Variants in PFKP observed in about 807,000 individuals in gnomAD.
The protein encoded by PFKP is ATP-dependent 6-phosphofructokinase, platelet type.
In PFKP, 101 loss-of-function variants were observed where a neutral mutation model predicts 94.3. The observed-to-expected ratio is 1.07, with a 90% CI of 0.91 to 1.26. The LOEUF (loss-of-function observed/expected upper bound fraction) is 1.26. Among genes scored for constraint, PFKP ranks in the 50% most tolerant of loss-of-function variants. The pLI, the probability that PFKP is intolerant of heterozygous loss-of-function variation, is 0.00. For synonymous variants in PFKP, 573 were observed against 432.6 expected, an observed-to-expected ratio of 1.32 and a Z score of -4.03; for missense variants, 1,145 against 1,103.3, an observed-to-expected ratio of 1.04 and a Z score of -0.53.
chr10:3,070,926 T>TTATTATTATTATTATTA (rs767737023), intron 1 of PFKP, among the ~76,000 whole-genome samples: 52 of 148,378 alleles, frequency 3.5e-4, no homozygotes, highest in South Asian at 2.3e-3. Flanking sequence ...TATTATTATT[T>TTATTATTATTATTATTA]TTGTAGAGAC....
intron 2 of PFKP, 127 bp from the exon 3 acceptor site, chr10:3,099,148 C>G: frequency 1.3e-6 from 1 of 745,242 alleles, no homozygotes; most frequent in Admixed American, 2.1e-5. Flanking sequence ...ACTGCCCTGT[C>G]TTCTGACCAG....
chr10:3,099,357 G>A lies in PFKP; in HGVS notation c.264+5G>A, dbSNP rs763107856. On this transcript the variant is annotated splice_donor_5th_base_variant and intron_variant, in intron 3 of 21. Coordinates refer to ENST00000381125, the MANE Select transcript of PFKP (RefSeq NM_002627.5). Reference sequence around the variant, plus strand: ...GTCTCCAGCATCCTGCAAGTGGTAGGTACTGGGCTGCGTCCACAGGGTTCT... The same window carrying A: ...GTCTCCAGCATCCTGCAAGTGGTAGATACTGGGCTGCGTCCACAGGGTTCT... 2 of 1,611,502 alleles carry A rather than the reference G, an allele frequency of 1.2e-6. No individual in the cohort carries two copies. Among genetic ancestry groups the A allele is most frequent in the African/African-American group, 2.7e-5 (2 of 74,880 alleles).
intron 17 of PFKP, among the ~76,000 whole-genome samples, chr10:3,131,222 A>T (rs1238941710): frequency 6.6e-6 from 1 of 150,498 alleles, no homozygotes; most frequent in African/African-American, 2.4e-5. Context: ...ACAGTCCCAG[A>T]CATTCAGGTT....
chr10:3,124,886 C>G (rs1017290148), intron 16 of PFKP, among the ~76,000 whole-genome samples: 2 of 152,216 alleles, frequency 1.3e-5, no homozygotes, highest in African/African-American at 2.4e-5. Flanking sequence ...TCATGAGGAC[C>G]TGGGCTGTGC....
intron 13 of PFKP, among the ~76,000 whole-genome samples, chr10:3,115,361 AGG>A (rs137989134): frequency 0.022 from 918 of 42,098 alleles, 227 homozygotes; most frequent in East Asian, 0.082. Flanking sequence ...GCTGGAGTGA[AGG>A]TGTGTGTCCC....
chr10:3,121,263 TCTC>T (rs1198051400), intron 16 of PFKP, among the ~76,000 whole-genome samples: 3 of 152,184 alleles, frequency 2.0e-5, no homozygotes, highest in African/African-American at 4.8e-5. Flanking sequence ...TTGCTTCTGT[TCTC>T]CTGGTGGTGG....
chr10:3,128,798 A>AG (rs1172153142), intron 16 of PFKP, among the ~76,000 whole-genome samples: 1 of 152,150 alleles, frequency 6.6e-6, no homozygotes, highest in Non-Finnish European at 1.5e-5. Flanking sequence ...TCCAGGGATT[A>AG]GGGATAGGAC....
chr10:3,088,178 A>C (rs1429255187), intron 2 of PFKP, among the ~76,000 whole-genome samples: 1 of 116,390 alleles, frequency 8.6e-6, no homozygotes, highest in African/African-American at 3.4e-5. Flanking sequence ...CCGGTGTGTG[A>C]TGTTCCCCTT....
At chr10:3,131,411 G>A (rs1336980203) in intron 17 of PFKP, among the ~76,000 whole-genome samples, 3 of 152,174 alleles carry the variant, frequency 2.0e-5, no homozygotes, top group African/African-American at 4.8e-5. Flanking sequence ...TGCCTCACCA[G>A]CGCTCAGCAT....
chr10:3,117,603 G>A (rs1455328095), intron 14 of PFKP, among the ~76,000 whole-genome samples: 1 of 152,220 alleles, frequency 6.6e-6, no homozygotes, highest in Non-Finnish European at 1.5e-5. Context: ...CTGGTGGGAT[G>A]GTGGGAGCCT....
intron 5 of PFKP, chr10:3,104,766 G>A: frequency 2.8e-6 from 1 of 352,864 alleles, no homozygotes; most frequent in East Asian, 7.3e-5. Flanking sequence ...GACAGCAGCT[G>A]CCGACTGTGC....
intron 2 of PFKP, among the ~76,000 whole-genome samples, chr10:3,082,856 T>A (rs1289213672): frequency 6.6e-6 from 1 of 152,164 alleles, no homozygotes; most frequent in Non-Finnish European, 1.5e-5. Context: ...GAATTACAGG[T>A]GCCCACCACC....
intron 2 of PFKP, among the ~76,000 whole-genome samples, chr10:3,087,990 T>TC (rs71383143): frequency 0.011 from 782 of 70,960 alleles, 6 homozygotes; most frequent in East Asian, 0.026. Flanking sequence ...CATTCTTTTT[T>TC]TTTTTTTTTT....
At chr10:3,087,420 C>T (rs925888016) in intron 2 of PFKP, among the ~76,000 whole-genome samples, 2 of 152,156 alleles carry the variant, frequency 1.3e-5, no homozygotes, top group African/African-American at 2.4e-5. Context: ...CCTCTTCCTG[C>T]CCCTGCCCTC....
chr10:3,120,177 T>G (rs1452239510), intron 16 of PFKP, 133 bp downstream of exon 16: 13 of 746,454 alleles, frequency 1.7e-5, no homozygotes, highest in Non-Finnish European at 2.8e-5. Context: ...GTTCTTTTTT[T>G]CCCCCAGAAA....
intron 2 of PFKP, among the ~76,000 whole-genome samples, chr10:3,088,904 G>A (rs920682472): frequency 2.0e-5 from 3 of 151,968 alleles, no homozygotes; most frequent in African/African-American, 4.8e-5. Context: ...GTGAGAACAG[G>A]CAATGTTTCT....
chr10:3,127,773 C>A (rs987973675), intron 16 of PFKP, among the ~76,000 whole-genome samples: 1 of 152,190 alleles, frequency 6.6e-6, no homozygotes, highest in African/African-American at 2.4e-5. Context: ...TCGGCTTCTA[C>A]ACAATGCAAA....
intron 3 of PFKP, 115 bp from the exon 4 acceptor site, chr10:3,101,250 G>A: frequency 2.2e-6 from 2 of 914,858 alleles, no homozygotes; most frequent in Non-Finnish European, 3.3e-6. Context: ...CTCACAAGAT[G>A]AAAATGAGAA....
chr10:3,116,559 G>T (rs887578168), intron 13 of PFKP, among the ~76,000 whole-genome samples: 28 of 152,308 alleles, frequency 1.8e-4, no homozygotes, highest in African/African-American at 6.3e-4. Flanking sequence ...CAGGCAGGGA[G>T]AACGCAGCCC....
Sources: allele counts gnomAD v4.1 joint callset (sites outside exome capture counted in the v4.1 genomes callset), GRCh38; gene constraint gnomAD v4.1.1; transcripts MANE v1.5; gene names NCBI Gene and HGNC (gene_info 2026-07-23, HGNC 2026-07-21).